The following AGAP1 variants were observed in gnomAD, a reference collection of about 807,000 sequenced individuals.
AGAP1 encodes the protein ArfGAP with GTPase domain, ankyrin repeat and PH domain 1, also known as arf-GAP with GTPase, ANK repeat and PH domain-containing protein 1.
A neutral mutation model predicts 105.3 loss-of-function variants in AGAP1; 29 were observed. That is an observed-to-expected ratio of 0.28 (90% confidence interval 0.21 to 0.38). The LOEUF (loss-of-function observed/expected upper bound fraction) is 0.38, where lower values mean the gene tolerates loss of function less well. Among genes scored for constraint, AGAP1 ranks in the 10% least tolerant of loss-of-function variants. AGAP1 has a pLI of 1.00. For missense variants in AGAP1, 998 were observed against 1,165.1 expected (o/e 0.86, Z 2.09); for synonymous variants, 509 against 485.9 (o/e 1.05, Z -0.63).
chr2:235,920,527 T>C (rs1188759891), intron 11 of AGAP1, among the ~76,000 whole-genome samples: 1 of 152,134 alleles, frequency 6.6e-6, no homozygotes, highest in Admixed American at 6.6e-5. Flanking sequence ...ATCAGACCTT[T>C]GGGATGCTGG....
At position 236,027,401 on chromosome 2, in the gene AGAP1, C is replaced by T. The variant is rs1377198219; in HGVS notation, c.1646-9160C>T. Among the ~76,000 whole-genome samples, 1 of 152,056 alleles carries T rather than the reference C, an allele frequency of 6.6e-6. No individual in the cohort carries two copies. The highest frequency in any genetic ancestry group is 2.1e-4 in the South Asian group (1 of 4,814). Reference sequence around the variant, plus strand: ...CCTCAGGAAGCAAGGTCCAGCTGCTCGGACCCTTGTCGTAAATTTCAGGGC... The same window carrying T: ...CCTCAGGAAGCAAGGTCCAGCTGCTTGGACCCTTGTCGTAAATTTCAGGGC... On this transcript the variant is annotated intron_variant, in intron 13 of 17. Coordinates refer to ENST00000304032, the MANE Select transcript of AGAP1 (RefSeq NM_001037131.3). The surrounding 1 kb of genome is among the most constrained non-coding windows in gnomAD (Gnocchi z 4.4).
Position 235,908,710 on chromosome 2 carries a change from T to G in AGAP1, c.1156-28T>G. ...AAAAGGTCTTTTTTTTTTTTTTATC[T>G]CTCTTGGATGTTTAACATTTTCAAC... On this transcript the variant is annotated intron_variant, in intron 10 of 17. Coordinates refer to ENST00000304032, the MANE Select transcript of AGAP1 (RefSeq NM_001037131.3). The surrounding 1 kb of genome is among the most constrained non-coding windows in gnomAD (Gnocchi z 4.4). 1 of 1,531,486 alleles carries G rather than the reference T, an allele frequency of 6.5e-7. No individual in the cohort carries two copies. Among genetic ancestry groups the G allele is most frequent in the Non-Finnish European group, 8.8e-7 (1 of 1,136,554 alleles). 94.9% of individuals were successfully genotyped at this position (1,531,486 alleles called of 1,614,324 possible).
rs567608072 is a variant in AGAP1, at chr2:236,036,502, C to G, written c.1646-59C>G. 1.9e-5 allele frequency: 30 copies of G among 1,588,092 alleles called. No individual in the cohort carries two copies. The African/African-American group carries it at 3.9e-4, about 21-fold the overall frequency. On this transcript the variant is annotated intron_variant, in intron 13 of 17. Transcript: ENST00000304032. This position sits in a 1 kb window ranked among gnomAD's most constrained non-coding sequence, Gnocchi z 5.7. ...AGAGGCGCTTCTGTGACAGAGGGCC[C>G]GCAGGGGGACTGCTGTCTCATAAAA...
In AGAP1 at chr2:235,747,729, C is replaced by T. The variant is rs562173149; in HGVS notation, c.539-2625C>T. On this transcript the variant is annotated intron_variant, in intron 5 of 17. Transcript: ENST00000304032. The surrounding 1 kb of genome is among the most constrained non-coding windows in gnomAD (Gnocchi z 5.0). ...GTGCAGACTTGCTCTCCGTGAAGCCCGTGCTCGGCTGCTCTTTCAGGGGTT... is the reference window on the plus strand; with the variant it reads ...GTGCAGACTTGCTCTCCGTGAAGCCTGTGCTCGGCTGCTCTTTCAGGGGTT... Among the ~76,000 whole-genome samples, 4 of 152,368 alleles carry T rather than the reference C, an allele frequency of 2.6e-5. No individual in the cohort carries two copies. Among genetic ancestry groups the T allele is most frequent in the East Asian group, 1.9e-4 (1 of 5,180 alleles).
In AGAP1 at chr2:236,084,240, G is replaced by T. The variant is rs112982382; in HGVS notation, c.2114+34959G>T. 6.0e-3 allele frequency among the ~76,000 whole-genome samples: 905 copies of T among 152,100 alleles called. 7 individuals are homozygous for T. The highest frequency in any genetic ancestry group is 0.021 in the African/African-American group (866 of 41,478). ...CTGAAGGGCGGGGGGGGGTCTCTGC[G>T]GCCACCTTAAACTTAAACAAGTGTA... is the stretch of plus-strand genomic sequence containing the variant. On this transcript the variant is annotated intron_variant, in intron 16 of 17. Transcript: ENST00000304032.
At position 236,101,905 on chromosome 2, in the gene AGAP1, T is replaced by G. The variant is rs1157793550; in HGVS notation, c.2115-18287T>G. On this transcript the variant is annotated intron_variant, in intron 16 of 17. Transcript: ENST00000304032. The surrounding 1 kb of genome is among the most constrained non-coding windows in gnomAD (Gnocchi z 4.9). ...GAAGTACAGAAACTTCCATTCTGTG[T>G]GTGACTAGCATGGCTTAGCTATGTT... 6.6e-6 allele frequency among the ~76,000 whole-genome samples: 1 copy of G among 152,246 alleles called. No individual in the cohort carries two copies. The highest frequency in any genetic ancestry group is 2.4e-5 in the African/African-American group (1 of 41,472).
rs1312322356 is a variant in AGAP1 at position 235,787,090 on chromosome 2, G to A, written c.674-10669G>A. ...CTCAGAGTCGAGCTGGCCTGGGGCC[G>A]TGGCCCCACAGGCTTGTGATCAGTG... On this transcript the variant is annotated intron_variant, in intron 6 of 17. Transcript: ENST00000304032. This position sits in a 1 kb window ranked among gnomAD's most constrained non-coding sequence, Gnocchi z 4.4. Among the ~76,000 whole-genome samples, 9 of 152,208 alleles carry A rather than the reference G, an allele frequency of 5.9e-5. No individual in the cohort carries two copies. The highest frequency in any genetic ancestry group is 1.9e-4 in the East Asian group (1 of 5,186).
chr2:235,935,117 G>A (rs549351073), intron 12 of AGAP1, among the ~76,000 whole-genome samples: 1 of 152,284 alleles, frequency 6.6e-6, no homozygotes, highest in East Asian at 1.9e-4. Flanking sequence ...ACTGCTTTAT[G>A]ACTATTACTG....
intron 4 of AGAP1, among the ~76,000 whole-genome samples, chr2:235,742,877 A>G (rs74486095): frequency 0.014 from 2,086 of 152,258 alleles, 47 homozygotes; most frequent in African/African-American, 0.048. Flanking sequence ...AGAAAAATCT[A>G]CAGAAGAGGC....
intron 6 of AGAP1, chr2:235,776,824 G>A (rs1355484022): frequency 8.7e-6 from 4 of 457,706 alleles, no homozygotes; most frequent in African/African-American, 8.1e-5. Context: ...CGTCCCTCAG[G>A]CATCGGCACC....
At position 236,126,801 on chromosome 2, in the gene AGAP1, C is replaced by T. The variant is rs201974434; in HGVS notation, c.*2679C>T. 1.3e-4 allele frequency: 20 copies of T among 152,308 alleles called. No individual in the cohort carries two copies. The East Asian group carries it at 3.7e-3, about 28-fold the overall frequency. The allele number at this position is 152,308 out of a possible 1,614,324, so 9.4% of individuals were successfully genotyped here. ...AGACGGGGCAGCTTTGCCCAGAGCTCGTTGGCAGTCTGTTTGTATTTCAGT... is the reference window on the plus strand; with the variant it reads ...AGACGGGGCAGCTTTGCCCAGAGCTTGTTGGCAGTCTGTTTGTATTTCAGT... On this transcript the variant is annotated 3_prime_UTR_variant, in exon 18 of 18. Transcript: ENST00000304032.
In AGAP1 at chr2:235,877,434, C is replaced by T. The variant is rs1044725543; in HGVS notation, c.1051-5911C>T. Among the ~76,000 whole-genome samples, 2 of 152,114 alleles carry T rather than the reference C, an allele frequency of 1.3e-5. No homozygotes were observed. Among genetic ancestry groups the T allele is most frequent in the African/African-American group, 4.8e-5 (2 of 41,408 alleles). ...GGCAGGCTCCTTTGGTGTCAGCTGC[C>T]TCGTGACCGTATCACGTGGTGACCC... is the stretch of plus-strand genomic sequence containing the variant. On this transcript the variant is annotated intron_variant, in intron 9 of 17. Coordinates refer to ENST00000304032, the MANE Select transcript of AGAP1 (RefSeq NM_001037131.3). The surrounding 1 kb of genome is among the most constrained non-coding windows in gnomAD (Gnocchi z 4.3).
chr2:235,641,612 C>G (rs1423005490), intron 1 of AGAP1, among the ~76,000 whole-genome samples: 1 of 152,202 alleles, frequency 6.6e-6, no homozygotes, highest in East Asian at 1.9e-4. Flanking sequence ...CCCTGCCTCT[C>G]TTGTGTTTGT....
At chr2:235,683,242 G>A (rs1949185781) in intron 1 of AGAP1, among the ~76,000 whole-genome samples, 1 of 151,914 alleles carries the variant, frequency 6.6e-6, no homozygotes, top group South Asian at 2.1e-4. Context: ...GGAGGCAGAT[G>A]TTGCAGTGAG....
At chr2:235,697,518 C>T (rs1226324054) in intron 1 of AGAP1, among the ~76,000 whole-genome samples, 1 of 152,202 alleles carries the variant, frequency 6.6e-6, no homozygotes, top group Non-Finnish European at 1.5e-5. Context: ...TCTGTCACCC[C>T]TGTGCCTGGG....
chr2:235,813,754 A>G (rs565507403), intron 9 of AGAP1, among the ~76,000 whole-genome samples: 6 of 152,378 alleles, frequency 3.9e-5, no homozygotes, highest in African/African-American at 1.4e-4. Flanking sequence ...TTGCAAGGAC[A>G]GAGGGTTTCT....
chr2:235,532,538 T>A (rs1943078933), intron 1 of AGAP1, among the ~76,000 whole-genome samples: 2 of 152,214 alleles, frequency 1.3e-5, no homozygotes, highest in South Asian at 4.1e-4. Context: ...TGTATATGTA[T>A]CACATATGCA....
At chr2:235,944,347 A>G (rs1483462564) in intron 12 of AGAP1, among the ~76,000 whole-genome samples, 2 of 152,148 alleles carry the variant, frequency 1.3e-5, no homozygotes, top group Non-Finnish European at 2.9e-5. Context: ...CAAGTTAACA[A>G]CCTTACCAGT....
chr2:235,884,748 C>T (rs747370108), intron 10 of AGAP1, among the ~76,000 whole-genome samples: 1 of 152,198 alleles, frequency 6.6e-6, no homozygotes, highest in South Asian at 2.1e-4. Context: ...GCCACCGCGC[C>T]TGGCCTTCTT....
Sources: allele counts gnomAD v4.1 joint callset (sites outside exome capture counted in the v4.1 genomes callset), GRCh38; gene constraint gnomAD v4.1.1; non-coding constraint Gnocchi (gnomAD v3.1); transcripts MANE v1.5; gene names NCBI Gene and HGNC (gene_info 2026-07-23, HGNC 2026-07-21).